The following EPHA6 variants were observed in gnomAD, a reference collection of about 807,000 sequenced individuals.
The protein encoded by EPHA6 is EPH receptor A6, also known as ephrin type-A receptor 6.
In EPHA6, 50 loss-of-function variants were observed where a neutral mutation model predicts 112.0. The observed-to-expected ratio is 0.45, with a 90% CI of 0.36 to 0.56. EPHA6 has a LOEUF of 0.56. Among genes scored for constraint, EPHA6 ranks in the 20% least tolerant of loss-of-function variants. The pLI is 0.00. For missense variants in EPHA6, 1,280 were observed against 1,417.4 expected, an observed-to-expected ratio of 0.90 and a Z score of 1.56; for synonymous variants, 529 against 490.7, an observed-to-expected ratio of 1.08 and a Z score of -1.03.
At chr3:97,538,981 C>T (rs867259406) in intron 11 of EPHA6, among the ~76,000 whole-genome samples, 10 of 130,240 alleles carry the variant, frequency 7.7e-5, no homozygotes, top group African/African-American at 1.5e-4. Context: ...CACTTTCTCT[C>T]TCTTTCTTTC....
chr3:96,904,041 C>T (rs2038774211), intron 2 of EPHA6, among the ~76,000 whole-genome samples: 1 of 152,086 alleles, frequency 6.6e-6, no homozygotes, highest in Non-Finnish European at 1.5e-5. Context: ...TTGTGGAAGT[C>T]AGTGTGGCGA....
intron 2 of EPHA6, among the ~76,000 whole-genome samples, chr3:96,938,178 A>C (rs1467071156): frequency 1.3e-5 from 2 of 152,162 alleles, no homozygotes; most frequent in Non-Finnish European, 2.9e-5. Context: ...GATGGCATTG[A>C]ATCTATAAAT....
At chr3:97,465,769 G>A (rs886395026) in intron 7 of EPHA6, among the ~76,000 whole-genome samples, 3 of 151,996 alleles carry the variant, frequency 2.0e-5, no homozygotes, top group Non-Finnish European at 4.4e-5. Flanking sequence ...TTCTACTGAT[G>A]CCAAATAAAG....
chr3:97,604,327 G>A (rs183606673), intron 12 of EPHA6, among the ~76,000 whole-genome samples: 1 of 151,560 alleles, frequency 6.6e-6, no homozygotes, highest in Non-Finnish European at 1.5e-5. Context: ...GCAAAATATA[G>A]AGTAACCAAT....
intron 14 of EPHA6, among the ~76,000 whole-genome samples, chr3:97,650,512 G>GA (rs1220390974): frequency 2.2e-4 from 33 of 151,646 alleles, no homozygotes; most frequent in Admixed American, 9.8e-4. Context: ...ATACACAAAG[G>GA]AAAAAATGAT....
At position 97,542,012 on chromosome 3, in the gene EPHA6, T is replaced by C. The variant is rs560573696; in HGVS notation, c.2386+9469T>C. On this transcript the variant is annotated intron_variant, in intron 11 of 17. Coordinates refer to ENST00000389672, the MANE Select transcript of EPHA6 (RefSeq NM_001080448.3). ...GCAAACTGAAGAACTTGGAGTCCGATGTTCGAGGGCAGGAAGCATCCAGCA... is the reference window on the plus strand; with the variant it reads ...GCAAACTGAAGAACTTGGAGTCCGACGTTCGAGGGCAGGAAGCATCCAGCA... Among the ~76,000 whole-genome samples, 602 of 151,702 alleles carry C rather than the reference T, an allele frequency of 4.0e-3. 3 individuals are homozygous for C. Among genetic ancestry groups the C allele is most frequent in the Non-Finnish European group, 6.0e-3 (408 of 67,930 alleles).
At chr3:97,572,468 T>TA (rs1285102701) in intron 11 of EPHA6, among the ~76,000 whole-genome samples, 1 of 152,120 alleles carries the variant, frequency 6.6e-6, no homozygotes, top group African/African-American at 2.4e-5. Flanking sequence ...ATCTCTTAGT[T>TA]ACTCCTTTTT....
chr3:97,500,947 G>A (rs376089712), intron 10 of EPHA6, among the ~76,000 whole-genome samples: 117 of 152,088 alleles, frequency 7.7e-4, no homozygotes, highest in African/African-American at 2.5e-3. Flanking sequence ...TTTTTTTCTA[G>A]TTCTAAAGTA....
At chr3:96,964,091 T>G (rs1460038976) in intron 2 of EPHA6, among the ~76,000 whole-genome samples, 10 of 152,208 alleles carry the variant, frequency 6.6e-5, no homozygotes, top group Non-Finnish European at 1.2e-4. Flanking sequence ...GGGTATGTAA[T>G]GCATAGTAAT....
At chr3:97,607,779 G>C (rs966236054) in intron 12 of EPHA6, among the ~76,000 whole-genome samples, 1 of 150,906 alleles carries the variant, frequency 6.6e-6, no homozygotes, top group South Asian at 2.1e-4. Context: ...AAAGAAATAA[G>C]GTGTAACATT....
chr3:97,344,426 A>C (rs1387907468), intron 5 of EPHA6, among the ~76,000 whole-genome samples: 1 of 152,170 alleles, frequency 6.6e-6, no homozygotes, highest in African/African-American at 2.4e-5. Context: ...GAACCCTCCT[A>C]ATGGGATTAG....
chr3:97,275,014 G>A (rs924909377), intron 5 of EPHA6, among the ~76,000 whole-genome samples: 4 of 152,180 alleles, frequency 2.6e-5, no homozygotes, highest in Non-Finnish European at 4.4e-5. Context: ...GTTGAGCATA[G>A]TTTGTGATTT....
intron 3 of EPHA6, among the ~76,000 whole-genome samples, chr3:97,075,754 C>T (rs1245444342): frequency 6.6e-6 from 1 of 151,368 alleles, no homozygotes; most frequent in Admixed American, 6.6e-5. Flanking sequence ...TGCATAGAGC[C>T]AGTGCGTTGG....
At chr3:96,831,520 T>A (rs1282645069) in intron 1 of EPHA6, among the ~76,000 whole-genome samples, 1 of 152,000 alleles carries the variant, frequency 6.6e-6, no homozygotes, top group Non-Finnish European at 1.5e-5. Context: ...ATTGTTCATT[T>A]TTTTTTTTGC....
At chr3:97,048,258 A>G (rs2108076158) in intron 3 of EPHA6, among the ~76,000 whole-genome samples, 1 of 152,320 alleles carries the variant, frequency 6.6e-6, no homozygotes, top group East Asian at 1.9e-4. Flanking sequence ...TAATTCACTA[A>G]GAATATAGTA....
intron 2 of EPHA6, among the ~76,000 whole-genome samples, chr3:96,902,545 A>T (rs537903104): frequency 6.6e-6 from 1 of 152,086 alleles, no homozygotes; most frequent in South Asian, 2.1e-4. Context: ...TCCTGATGCT[A>T]CAGGAACCTT....
intron 14 of EPHA6, 40 bp from the exon 15 acceptor site, chr3:97,720,221 A>T: frequency 6.7e-7 from 1 of 1,487,418 alleles, no homozygotes; most frequent in Non-Finnish European, 8.9e-7. Context: ...TTTTTAATAC[A>T]ACGATAAGCC....
intron 5 of EPHA6, among the ~76,000 whole-genome samples, chr3:97,336,019 A>G (rs1456118065): frequency 6.6e-6 from 1 of 152,144 alleles, no homozygotes; most frequent in East Asian, 1.9e-4. Context: ...AGTCTGCAAA[A>G]TATCTCAAGC....
chr3:97,272,576 C>A (rs1352780850), intron 5 of EPHA6, among the ~76,000 whole-genome samples: 2 of 151,044 alleles, frequency 1.3e-5, no homozygotes, highest in East Asian at 1.9e-4. Context: ...GCGAAGGGAG[C>A]TAGGGGTAAG....
Sources: gnomAD v4.1 joint callset for allele counts (sites outside exome capture counted in the v4.1 genomes callset) on GRCh38, gnomAD v4.1.1 for gene constraint, MANE v1.5 for transcripts, NCBI Gene and HGNC (gene_info 2026-07-23, HGNC 2026-07-21) for gene names.